Variants in RUBCN observed in about 807,000 individuals in gnomAD.
RUBCN encodes the protein rubicon autophagy regulator.
Under a neutral mutation model 113.2 loss-of-function variants are expected in RUBCN, and 74 were observed. The observed-to-expected ratio is 0.65, with a 90% CI of 0.54 to 0.79. RUBCN has a LOEUF of 0.79. Ranked by LOEUF, RUBCN falls within the 30% of genes least tolerant of loss-of-function variation. The pLI, the probability that RUBCN is intolerant of heterozygous loss-of-function variation, is 0.00. For missense variants in RUBCN, 1,109 were observed against 1,251.7 expected (o/e 0.89, Z 1.72); for synonymous variants, 480 against 490.0 (o/e 0.98, Z 0.27).
chr3:197,688,683 A>G (rs1722110361), intron 11 of RUBCN, among the ~76,000 whole-genome samples: 1 of 152,240 alleles, frequency 6.6e-6, no homozygotes, highest in Non-Finnish European at 1.5e-5. Flanking sequence ...CTCTAAATCC[A>G]AAGAAGCTGA....
Position 197,673,674 on chromosome 3 carries a change from G to A in RUBCN, c.*1344C>T. The A allele has an allele frequency of 6.7e-6, 1 of 148,820 alleles. No individual in the cohort carries two copies. Among genetic ancestry groups the A allele is most frequent in the Non-Finnish European group, 1.5e-5 (1 of 67,956 alleles). The allele number at this position is 148,820 out of a possible 1,614,324, so 9.2% of individuals were successfully genotyped here. ...CACACACATTAACGGGGGGGAAGGG[G>A]GAGGCAGCACACCAAAATCAGCATT... On this transcript the variant is annotated 3_prime_UTR_variant, in exon 20 of 20. Transcript: ENST00000296343.
Position 197,746,598 on chromosome 3 carries a change from TA to T in RUBCN, c.-116+2670del, listed in dbSNP as rs951163801. ...AATATTACATGAAACTTACTGTAGT[TA>T]AAAAAAAATCACTGTTTATCTGAAA... On this transcript the variant is annotated intron_variant, in intron 1 of 20. Transcript: ENST00000273582. Among the ~76,000 whole-genome samples, 28 of 151,898 alleles carry T rather than the reference TA, an allele frequency of 1.8e-4. No homozygotes were observed. In the South Asian group the frequency reaches 3.3e-3, roughly 18 times the overall value.
At position 197,683,169 on chromosome 3, in the gene RUBCN, A is replaced by C; in HGVS notation, c.1980+138T>G. The C allele has an allele frequency of 9.2e-7, 1 of 1,082,146 alleles. No individual in the cohort carries two copies. Among genetic ancestry groups the C allele is most frequent in the East Asian group, 2.4e-5 (1 of 42,306 alleles). The allele number at this position is 1,082,146 out of a possible 1,614,324, so 67.0% of individuals were successfully genotyped here. A position where few individuals can be genotyped will look rare whatever the true frequency, so the allele number is the denominator to read the frequency against. On this transcript the variant is annotated intron_variant, in intron 13 of 19. Coordinates refer to ENST00000296343, the MANE Select transcript of RUBCN (RefSeq NM_014687.4). The surrounding 1 kb of genome is among the most constrained non-coding windows in gnomAD (Gnocchi z 4.6). The stretch of plus-strand genomic sequence containing the variant: ...CATTCACTCGTTCATTTATCACTTG[A>C]CACATTGTAATGAATGGCTTCCACG...
chr3:197,684,004 C>T (rs542540394), intron 12 of RUBCN, among the ~76,000 whole-genome samples, 153 bp downstream of exon 12: 30 of 152,308 alleles, frequency 2.0e-4, no homozygotes, highest in African/African-American at 7.2e-4. Context: ...GCTTTCTTCC[C>T]GTGGGCTCGG....
At chr3:197,703,396 T>TCAAAAAAAAAA (rs1723906135) in intron 5 of RUBCN, 152 bp downstream of exon 5, 1 of 312,744 alleles carries the variant, frequency 3.2e-6, no homozygotes, top group Non-Finnish European at 5.4e-6. Flanking sequence ...AGACTCTGTC[T>TCAAAAAAAAAA]CAAAAAAAAA....
chr3:197,691,930 C>A (rs116478979), intron 11 of RUBCN, among the ~76,000 whole-genome samples: 9 of 151,892 alleles, frequency 5.9e-5, no homozygotes, highest in Non-Finnish European at 1.3e-4. Context: ...TCCTAAAATT[C>A]TTGGAATTTC....
At chr3:197,718,952 C>T (rs1302727906) in intron 1 of RUBCN, among the ~76,000 whole-genome samples, 2 of 152,336 alleles carry the variant, frequency 1.3e-5, no homozygotes, top group South Asian at 2.1e-4. Context: ...CCGTAAGAAA[C>T]GGCCATCGCA....
At chr3:197,728,778 G>C (rs1727049121) in intron 1 of RUBCN, among the ~76,000 whole-genome samples, 1 of 152,222 alleles carries the variant, frequency 6.6e-6, no homozygotes. Flanking sequence ...TATGAAGGGA[G>C]ATGTCAGATG....
Position 197,701,690 on chromosome 3 carries a change from T to C in RUBCN, c.727+18A>G, listed in dbSNP as rs754905717. 1.9e-6 allele frequency: 3 copies of C among 1,612,236 alleles called. No individual in the cohort carries two copies. Among genetic ancestry groups the C allele is most frequent in the Non-Finnish European group, 1.7e-6 (2 of 1,178,390 alleles). ...GGCTGGGGATAAATGTAATGACCAC[T>C]TTTTCCTGTCCCCATACCTGAGCCA... On this transcript the variant is annotated intron_variant, in intron 6 of 19. Coordinates refer to ENST00000296343, the MANE Select transcript of RUBCN (RefSeq NM_014687.4).
chr3:197,729,235 TTTTG>T (rs1229342114), intron 1 of RUBCN, among the ~76,000 whole-genome samples: 3 of 148,700 alleles, frequency 2.0e-5, no homozygotes, highest in African/African-American at 7.6e-5. Flanking sequence ...TGAACATTGC[TTTTG>T]TTTTTTTTGT....
At chr3:197,707,158 C>T (rs963275856) in intron 2 of RUBCN, among the ~76,000 whole-genome samples, 4 of 142,672 alleles carry the variant, frequency 2.8e-5, no homozygotes, top group African/African-American at 9.2e-5. Context: ...AGTGAAACCC[C>T]GTCTCTACTA....
At chr3:197,701,677 A>G in intron 6 of RUBCN, 31 bp downstream of exon 6, 1 of 1,608,290 alleles carries the variant, frequency 6.2e-7, no homozygotes, top group South Asian at 1.1e-5. Context: ...CTGGGGATAA[A>G]TGTAATGACC....
At chr3:197,680,810 C>T (rs544772196) in intron 16 of RUBCN, among the ~76,000 whole-genome samples, 1 of 152,184 alleles carries the variant, frequency 6.6e-6, no homozygotes, top group East Asian at 1.9e-4. Flanking sequence ...GTGCTATCTA[C>T]AGCTTCCTAG....
chr3:197,683,296 T>A lies in RUBCN; in HGVS notation c.1980+11A>T. The A allele has an allele frequency of 6.2e-7, 1 of 1,614,124 alleles. No individual in the cohort carries two copies. Among genetic ancestry groups the A allele is most frequent in the Non-Finnish European group, 8.5e-7 (1 of 1,180,018 alleles). On this transcript the variant is annotated intron_variant, in intron 13 of 19. Transcript: ENST00000296343. This position sits in a 1 kb window ranked among gnomAD's most constrained non-coding sequence, Gnocchi z 4.6. ...ATGGCCCCTGGGTAGGAAGAAGAGCTAAGGACCTACCTTCTGAGGGGCATC... is the reference window on the plus strand; with the variant it reads ...ATGGCCCCTGGGTAGGAAGAAGAGCAAAGGACCTACCTTCTGAGGGGCATC...
At chr3:197,690,253 C>T (rs1373159980) in intron 11 of RUBCN, among the ~76,000 whole-genome samples, 5 of 152,190 alleles carry the variant, frequency 3.3e-5, no homozygotes, top group Admixed American at 3.3e-4. Context: ...GCCTGGCCAA[C>T]ATGGTGAAAC....
intron 11 of RUBCN, chr3:197,691,073 C>T (rs930195556): frequency 1.6e-6 from 2 of 1,288,196 alleles, no homozygotes; most frequent in Non-Finnish European, 2.0e-6. Flanking sequence ...AAGTAGGCTA[C>T]CTGAGAACAT....
At chr3:197,699,133 A>G in intron 7 of RUBCN, 1 of 1,317,288 alleles carries the variant, frequency 7.6e-7, no homozygotes, top group Admixed American at 2.0e-5. Context: ...TTCTGAACTA[A>G]GAAAGGTGGT....
chr3:197,676,618 T>A (rs1318450705), intron 18 of RUBCN: 7 of 1,342,536 alleles, frequency 5.2e-6, no homozygotes, highest in Admixed American at 3.1e-5. Context: ...TGGCCAACAC[T>A]TCTTGAGTGA....
chr3:197,721,393 G>A lies in RUBCN; in HGVS notation c.66-3263C>T, dbSNP rs375342139. ...TTCTTCTAGGTTTTCCAATTTGTTGGCACAGTTACCCATAACAGCCTCTAG... is the reference window on the plus strand; with the variant it reads ...TTCTTCTAGGTTTTCCAATTTGTTGACACAGTTACCCATAACAGCCTCTAG... On this transcript the variant is annotated intron_variant, in intron 1 of 19. Coordinates refer to ENST00000296343, the MANE Select transcript of RUBCN (RefSeq NM_014687.4). 2.6e-5 allele frequency among the ~76,000 whole-genome samples: 4 copies of A among 152,118 alleles called. No homozygotes were observed. In the East Asian group the frequency reaches 7.7e-4, roughly 29 times the overall value.
Sources: allele counts gnomAD v4.1 joint callset (sites outside exome capture counted in the v4.1 genomes callset), GRCh38; gene constraint gnomAD v4.1.1; non-coding constraint Gnocchi (gnomAD v3.1); transcripts MANE v1.5; gene names NCBI Gene and HGNC (gene_info 2026-07-23, HGNC 2026-07-21).